The following RAB28 variants were observed in gnomAD, a reference collection of about 807,000 sequenced individuals.
RAB28 encodes ras-related protein Rab-28.
RAB28 carries 24 observed loss-of-function variants against 31.7 expected under a neutral mutation model. The ratio of observed to expected loss-of-function variants is 0.76; its 90% CI spans 0.55 to 1.06. RAB28 has a LOEUF of 1.06. Ranked by LOEUF, RAB28 falls within the 50% of genes least tolerant of loss-of-function variation. RAB28 has a pLI of 0.00. For missense variants in RAB28, 254 were observed against 258.5 expected, an observed-to-expected ratio of 0.98 and a Z score of 0.12; for synonymous variants, 100 against 90.4, an observed-to-expected ratio of 1.11 and a Z score of -0.60.
intron 4 of RAB28, among the ~76,000 whole-genome samples, chr4:13,435,208 C>A (rs1714033697): frequency 6.6e-6 from 1 of 151,076 alleles, no homozygotes; most frequent in Non-Finnish European, 1.5e-5. Context: ...ATACCCAAAC[C>A]TCTGGGATAC....
intron 4 of RAB28, among the ~76,000 whole-genome samples, chr4:13,420,604 T>C (rs557748173): frequency 6.6e-6 from 1 of 152,028 alleles, no homozygotes; most frequent in Non-Finnish European, 1.5e-5. Context: ...TGGTTCAACA[T>C]ATGCAAATCA....
At chr4:13,435,017 C>CAAAAAAAAAAAAAAAAA (rs991889676) in intron 4 of RAB28, among the ~76,000 whole-genome samples, 1 of 47,038 alleles carries the variant, frequency 2.1e-5, no homozygotes, top group African/African-American at 7.2e-5. Flanking sequence ...GACTCCGTCT[C>CAAAAAAAAAAAAAAAAA]AAAAAAAAAA....
chr4:13,388,278 C>G (rs879944924), intron 4 of RAB28, among the ~76,000 whole-genome samples: 3 of 152,066 alleles, frequency 2.0e-5, no homozygotes, highest in African/African-American at 7.2e-5. Context: ...AAAGGACAAT[C>G]TCTTCAACAA....
At chr4:13,466,348 C>G (rs1271223921) in intron 3 of RAB28, among the ~76,000 whole-genome samples, 1 of 151,506 alleles carries the variant, frequency 6.6e-6, no homozygotes, top group African/African-American at 2.4e-5. Flanking sequence ...ACGAGGAACT[C>G]AAACAACTCC....
chr4:13,471,442 C>T (rs1560145747), intron 3 of RAB28, among the ~76,000 whole-genome samples: 1 of 151,980 alleles, frequency 6.6e-6, no homozygotes, highest in Non-Finnish European at 1.5e-5. Flanking sequence ...ACTTTATGTA[C>T]TTAACATAGC....
chr4:13,381,449 T>C, intron 5 of RAB28, 42 bp downstream of exon 5: 1 of 1,399,960 alleles, frequency 7.1e-7, no homozygotes, highest in South Asian at 1.2e-5. Flanking sequence ...TGTTAGTAAA[T>C]AAAAGGAAAA....
Position 13,368,109 on chromosome 4 carries a change from G to A in RAB28, c.*449C>T. On this transcript the variant is annotated 3_prime_UTR_variant, in exon 7 of 7. Coordinates refer to ENST00000330852, the MANE Select transcript of RAB28 (RefSeq NM_001017979.3). ...AAGAATGTCTTCATAAGTATCTGTAGGTAAAATATATTACTTGCTTAATGT... is the reference window on the plus strand; with the variant it reads ...AAGAATGTCTTCATAAGTATCTGTAAGTAAAATATATTACTTGCTTAATGT... 5.1e-6 allele frequency: 5 copies of A among 982,604 alleles called. No individual in the cohort carries two copies. The highest frequency in any genetic ancestry group is 6.0e-6 in the Non-Finnish European group (5 of 827,416). The allele number at this position is 982,604 out of a possible 1,614,324, so 60.9% of individuals were successfully genotyped here.
At chr4:13,453,192 G>A (rs1195947305) in intron 4 of RAB28, among the ~76,000 whole-genome samples, 1 of 151,542 alleles carries the variant, frequency 6.6e-6, no homozygotes, top group Non-Finnish European at 1.5e-5. Context: ...CATATGGTTG[G>A]GTCTTGTTTT....
At chr4:13,477,988 A>T (rs996678256) in intron 2 of RAB28, among the ~76,000 whole-genome samples, 1 of 151,648 alleles carries the variant, frequency 6.6e-6, no homozygotes, top group Middle Eastern at 3.4e-3. Flanking sequence ...AAGTAATGAG[A>T]CAAGAAGTTG....
chr4:13,427,181 G>C (rs1266684620), intron 4 of RAB28, among the ~76,000 whole-genome samples: 4 of 152,124 alleles, frequency 2.6e-5, no homozygotes, highest in Non-Finnish European at 4.4e-5. Flanking sequence ...CCCAAAAGGT[G>C]GGTAGGTGAA....
At chr4:13,406,243 C>T (rs1332287192) in intron 4 of RAB28, among the ~76,000 whole-genome samples, 1 of 152,162 alleles carries the variant, frequency 6.6e-6, no homozygotes, top group Admixed American at 6.6e-5. Context: ...TGAGTGAGAA[C>T]ATGCAGTGTT....
At position 13,393,256 on chromosome 4, in the gene RAB28, G is replaced by A. The variant is rs574057264; in HGVS notation, c.392-11662C>T. Among the ~76,000 whole-genome samples, 167 of 152,276 alleles carry A rather than the reference G, an allele frequency of 1.1e-3. 2 individuals carry two copies. Among genetic ancestry groups the A allele is most frequent in the African/African-American group, 3.8e-3 (159 of 41,560 alleles). ...GTGATGCTTCAGTTACATACTGAAA[G>A]AGGAGAAAAAATCAGTCAGATAGCC... On this transcript the variant is annotated intron_variant, in intron 4 of 6. Coordinates refer to ENST00000330852, the MANE Select transcript of RAB28 (RefSeq NM_001017979.3).
chr4:13,400,290 C>CT (rs754266210), intron 4 of RAB28, among the ~76,000 whole-genome samples: 49 of 152,266 alleles, frequency 3.2e-4, no homozygotes, highest in Non-Finnish European at 6.3e-4. Flanking sequence ...TTCTCAGAAG[C>CT]ATATTCTTAT....
intron 4 of RAB28, among the ~76,000 whole-genome samples, chr4:13,403,384 T>C (rs1173373020): frequency 6.6e-6 from 1 of 152,200 alleles, no homozygotes; most frequent in Non-Finnish European, 1.5e-5. Flanking sequence ...CAAAAACCTT[T>C]AGTGGCTTTC....
intron 4 of RAB28, among the ~76,000 whole-genome samples, chr4:13,391,334 G>A (rs939862523): frequency 2.6e-5 from 4 of 152,114 alleles, no homozygotes; most frequent in African/African-American, 9.7e-5. Flanking sequence ...TCAGAGAAAC[G>A]CAAATCAAAA....
intron 4 of RAB28, among the ~76,000 whole-genome samples, chr4:13,419,675 CAGAAAT>C (rs1222718316): frequency 6.6e-6 from 1 of 152,078 alleles, no homozygotes; most frequent in Non-Finnish European, 1.5e-5. Flanking sequence ...GAAATGAAGG[CAGAAAT>C]AAAGATGTTC....
At chr4:13,482,441 T>C (rs1716648837) in intron 1 of RAB28, among the ~76,000 whole-genome samples, 2 of 152,210 alleles carry the variant, frequency 1.3e-5, no homozygotes, top group South Asian at 4.1e-4. Context: ...TTGTTATGAG[T>C]TGTCATTATC....
intron 4 of RAB28, among the ~76,000 whole-genome samples, chr4:13,409,643 G>A (rs1229691636): frequency 6.6e-6 from 1 of 152,194 alleles, no homozygotes; most frequent in Non-Finnish European, 1.5e-5. Flanking sequence ...GTTACAAGGA[G>A]TGAGAGCTAC....
chr4:13,385,234 C>G (rs1245470430), intron 4 of RAB28, among the ~76,000 whole-genome samples: 1 of 152,130 alleles, frequency 6.6e-6, no homozygotes, highest in African/African-American at 2.4e-5. Context: ...TCATTGGTGT[C>G]CCTGAAACAG....
Sources: gnomAD v4.1 joint callset for allele counts (sites outside exome capture counted in the v4.1 genomes callset) on GRCh38, gnomAD v4.1.1 for gene constraint, MANE v1.5 for transcripts, NCBI Gene and HGNC (gene_info 2026-07-23, HGNC 2026-07-21) for gene names.